SYNJ2: variants seen among roughly 807,000 people sequenced by gnomAD.
The protein encoded by SYNJ2 is polyphosphatidylinositol phosphatase SYNJ2.
In SYNJ2, 116 loss-of-function variants were observed where a neutral mutation model predicts 141.3. The ratio of observed to expected loss-of-function variants is 0.82; its 90% CI spans 0.71 to 0.96. SYNJ2 has a LOEUF of 0.96. SYNJ2 is among the 40% of genes least tolerant of loss of function. The probability of loss-of-function intolerance (pLI) is 0.00; values close to 1 mark genes in which losing one functional copy is unlikely to be tolerated. For synonymous variants in SYNJ2, 745 were observed against 777.7 expected (o/e 0.96, Z 0.70); for missense variants, 1,873 against 1,934.8 (o/e 0.97, Z 0.60).
chr6:158,081,604 CCTTTT>C, intron 20 of SYNJ2, 94 bp downstream of exon 20: 5 of 219,730 alleles, frequency 2.3e-5, no homozygotes, highest in South Asian at 9.2e-5. Context: ...CTGACCTGTG[CCTTTT>C]TTTTTTTTTT....
Position 158,081,121 on chromosome 6 carries a change from G to T in SYNJ2, c.2580G>T (p.Ala860=). The T allele has an allele frequency of 6.2e-7, 1 of 1,613,954 alleles. No individual in the cohort carries two copies. The change falls in exon 19 of 27, where the codon GCG becomes GCT. Residue 860 remains alanine, a synonymous_variant. Transcript: ENST00000355585. ...GTTCCTAACGCAGACCTGTGCTGGC[G>T]ATCGTGGAGGTGGAAGTTCAGGAAG... is the stretch of plus-strand genomic sequence containing the variant. The part of the protein sequence containing the change: ...LQASDHRPVL[A]IVEVEVQEVD...
chr6:157,985,297 G>A (rs551085501), intron 1 of SYNJ2, among the ~76,000 whole-genome samples: 4 of 152,320 alleles, frequency 2.6e-5, no homozygotes, highest in Middle Eastern at 3.4e-3. Context: ...CACTAGGGCC[G>A]TCTGGCCTGC....
rs199647543 is a variant in SYNJ2 at position 158,069,615 on chromosome 6, C to T, written c.1882C>T (p.Gln628Ter). The change falls in exon 14 of 27, where the codon CAG (glutamine) becomes TAG (stop). Residue 628 changes from glutamine (Q) to a stop codon, truncating the protein, a stop_gained. Transcript: ENST00000355585. LOFTEE classifies it high-confidence loss of function. ...TAGATACATTCTGTTGACTTCGGCACAGCTGGTGGGCGTCTGTCTTTATAT... is the reference window on the plus strand; with the variant it reads ...TAGATACATTCTGTTGACTTCGGCATAGCTGGTGGGCGTCTGTCTTTATAT... Reference protein sequence around the residue: ...SHRYILLTSAQLVGVCLYIFV... With the variant: ...SHRYILLTSA 8.4e-5 allele frequency: 135 copies of T among 1,613,996 alleles called. No homozygotes were observed. Among genetic ancestry groups the T allele is most frequent in the Non-Finnish European group, 1.1e-4 (127 of 1,179,962 alleles).
chr6:157,999,408 C>T (rs1777752105), intron 1 of SYNJ2, among the ~76,000 whole-genome samples: 1 of 152,240 alleles, frequency 6.6e-6, no homozygotes, highest in Non-Finnish European at 1.5e-5. Context: ...CTCCCCTTAG[C>T]CTGCTGACCT....
chr6:157,998,246 C>T (rs2128318575), intron 1 of SYNJ2, among the ~76,000 whole-genome samples: 1 of 152,224 alleles, frequency 6.6e-6, no homozygotes, highest in East Asian at 1.9e-4. Context: ...CCCAAGGAGC[C>T]AGAATCCCTT....
At chr6:158,072,251 C>T (rs1490226331) in intron 15 of SYNJ2, among the ~76,000 whole-genome samples, 2 of 152,190 alleles carry the variant, frequency 1.3e-5, no homozygotes, top group Non-Finnish European at 2.9e-5. Flanking sequence ...CCAATGGACC[C>T]TTTTTGACTG....
intron 4 of SYNJ2, among the ~76,000 whole-genome samples, chr6:158,037,555 C>G (rs1363023159): frequency 6.6e-6 from 1 of 151,972 alleles, no homozygotes; most frequent in Non-Finnish European, 1.5e-5. Context: ...GCGCCCGCCA[C>G]CACGCCCGGC....
chr6:158,071,831 C>T lies in SYNJ2; in HGVS notation c.2133+37C>T. On this transcript the variant is annotated intron_variant, in intron 15 of 26. Coordinates refer to ENST00000355585, the MANE Select transcript of SYNJ2 (RefSeq NM_003898.4). The surrounding 1 kb of genome is among the most constrained non-coding windows in gnomAD (Gnocchi z 4.3). Reference sequence around the variant, plus strand: ...CGTGGGGACAGCCAGCACCTCCCTGCTCAGCTCAGTCCCAAATGTGACTGT... The same window carrying T: ...CGTGGGGACAGCCAGCACCTCCCTGTTCAGCTCAGTCCCAAATGTGACTGT... 6.3e-7 allele frequency: 1 copy of T among 1,598,992 alleles called. No individual in the cohort carries two copies.
intron 20 of SYNJ2, 90 bp from the exon 21 acceptor site, chr6:158,083,339 G>C: frequency 1.4e-6 from 2 of 1,471,128 alleles, no homozygotes; most frequent in Non-Finnish European, 1.9e-6. Context: ...CCTCGTTGAG[G>C]GTGTGTGGGT....
chr6:158,074,748 G>T lies in SYNJ2; in HGVS notation c.2292+10G>T, dbSNP rs776337318. The T allele has an allele frequency of 1.2e-6, 2 of 1,610,804 alleles. No homozygotes were observed. The highest frequency in any genetic ancestry group is 2.2e-5 in the East Asian group (1 of 44,860). ...GAAATCAAGTGGAAAAGTAAGTTGT[G>T]CTTTAAAAACATTTTTTAGCAGCTG... On this transcript the variant is annotated intron_variant, in intron 16 of 26. Coordinates refer to ENST00000355585, the MANE Select transcript of SYNJ2 (RefSeq NM_003898.4).
chr6:157,989,356 G>A (rs1777322787), intron 1 of SYNJ2, among the ~76,000 whole-genome samples: 1 of 149,590 alleles, frequency 6.7e-6, no homozygotes, highest in Non-Finnish European at 1.5e-5. Context: ...ACTTGCCTGA[G>A]GCTCCACCTC....
intron 23 of SYNJ2, 53 bp downstream of exon 23, chr6:158,087,042 C>T (rs1421639756): frequency 3.8e-6 from 6 of 1,567,724 alleles, no homozygotes; most frequent in Non-Finnish European, 5.2e-6. Context: ...AATAACCGCG[C>T]GTTCCCTGCT....
chr6:158,049,091 G>A (rs920967947), intron 5 of SYNJ2, among the ~76,000 whole-genome samples: 16 of 152,070 alleles, frequency 1.1e-4, no homozygotes, highest in African/African-American at 3.4e-4. Context: ...AGTGCTGATC[G>A]AGACTCTGCT....
intron 6 of SYNJ2, among the ~76,000 whole-genome samples, chr6:158,058,266 T>G (rs1780991693): frequency 6.6e-6 from 1 of 152,232 alleles, no homozygotes; most frequent in Non-Finnish European, 1.5e-5. Context: ...CATTAAACGA[T>G]AATTTGACAT....
intron 4 of SYNJ2, among the ~76,000 whole-genome samples, chr6:158,038,393 G>C (rs115785109): frequency 1.3e-5 from 2 of 152,144 alleles, no homozygotes; most frequent in African/African-American, 4.8e-5. Context: ...TGCTGCCCCC[G>C]CCCCACCTAG....
In SYNJ2 at chr6:158,067,796, C is replaced by T. The variant is rs112369650; in HGVS notation, c.1718-851C>T. 1,962 of 985,260 alleles carry T rather than the reference C, an allele frequency of 2.0e-3. 28 individuals carry two copies. The African/African-American group carries it at 0.03, about 15-fold the overall frequency. The allele number at this position is 985,260 out of a possible 1,614,324, so 61.0% of individuals were successfully genotyped here. On this transcript the variant is annotated intron_variant, in intron 12 of 26. Transcript: ENST00000355585. Reference sequence around the variant, plus strand: ...AGTCCACCATTCAGAGCCACTGGGGCTCTCTGTGTCGGTGGTAGCCTGGGT... The same window carrying T: ...AGTCCACCATTCAGAGCCACTGGGGTTCTCTGTGTCGGTGGTAGCCTGGGT...
rs1299435383 is a variant in SYNJ2 at position 158,043,805 on chromosome 6, C to T, written c.795+406C>T. Reference sequence around the variant, plus strand: ...GGGCTTCAGGAAGGCTCTGTGGCTGCGTAGGTCTGGCACCCGGTGCTGCCT... The same window carrying T: ...GGGCTTCAGGAAGGCTCTGTGGCTGTGTAGGTCTGGCACCCGGTGCTGCCT... On this transcript the variant is annotated intron_variant, in intron 5 of 26. Coordinates refer to ENST00000355585, the MANE Select transcript of SYNJ2 (RefSeq NM_003898.4). This position sits in a 1 kb window ranked among gnomAD's most constrained non-coding sequence, Gnocchi z 4.0. 6.6e-6 allele frequency among the ~76,000 whole-genome samples: 1 copy of T among 152,126 alleles called. No homozygotes were observed. Among genetic ancestry groups the T allele is most frequent in the East Asian group, 1.9e-4 (1 of 5,188 alleles).
Position 158,059,293 on chromosome 6 carries a change from G to C in SYNJ2, c.894G>C (p.Gln298His). ...MVLLKEQYGQQVVVNLLGSRG... is the reference protein window; with the variant it reads ...MVLLKEQYGQHVVVNLLGSRG... ...TTCTGAAGGAGCAGTACGGGCAGCAGGTGGTCGTGAACCTTCTGGGAAGCA... is the reference window on the plus strand; with the variant it reads ...TTCTGAAGGAGCAGTACGGGCAGCACGTGGTCGTGAACCTTCTGGGAAGCA... The change falls in exon 7 of 27, where the codon CAG (glutamine) becomes CAC (histidine). Residue 298 changes from glutamine (Q) to histidine (H), a missense_variant. By Grantham distance (24) the Gln-to-His change is conservative (BLOSUM62 0). Transcript: ENST00000355585. 1 of 1,550,726 alleles carries C rather than the reference G, an allele frequency of 6.4e-7. No homozygotes were observed. Among genetic ancestry groups the C allele is most frequent in the South Asian group, 1.2e-5 (1 of 84,044 alleles).
At chr6:158,017,509 G>A (rs1778528672) in intron 2 of SYNJ2, 6 of 593,396 alleles carry the variant, frequency 1.0e-5, no homozygotes, top group Admixed American at 6.5e-5. Context: ...CTGCCTCCTG[G>A]GTTCAAGCAA....
Sources: gnomAD v4.1 joint callset for allele counts (sites outside exome capture counted in the v4.1 genomes callset) on GRCh38, gnomAD v4.1.1 for gene constraint, Gnocchi (gnomAD v3.1) non-coding constraint, MANE v1.5 for transcripts, NCBI Gene and HGNC (gene_info 2026-07-23, HGNC 2026-07-21) for gene names.